The following ZNF365 variants were observed in gnomAD, a reference collection of about 807,000 sequenced individuals.
ZNF365 encodes the protein protein ZNF365.
Under a neutral mutation model 35.0 loss-of-function variants are expected in ZNF365, and 22 were observed. That is an observed-to-expected ratio of 0.63 (90% CI 0.45 to 0.90). The LOEUF is 0.90. Ranked by LOEUF, ZNF365 falls within the 40% of genes least tolerant of loss-of-function variation. The pLI is 0.00. For missense variants in ZNF365, 448 were observed against 500.3 expected (o/e 0.90, Z 1.00); for synonymous variants, 188 against 196.2 (o/e 0.96, Z 0.35).
chr10:62,388,893 A>G (rs1406034600), intron 3 of ZNF365, among the ~76,000 whole-genome samples: 2 of 152,190 alleles, frequency 1.3e-5, no homozygotes, highest in African/African-American at 2.4e-5. Flanking sequence ...CATTCATTTC[A>G]ATTTTGATGT....
In ZNF365 at chr10:62,398,753, C is replaced by T. The variant is rs1839773187; in HGVS notation, c.938C>T (p.Ser313Phe). ...DLSGHVLTDI[S>F]SNRKPKCLSR... ...GTTTTCCTTCAGCTTACAGACATCT[C>T]CTCAAATAGGAAGCCCAAATGCCTG... Residue 313 changes from serine to phenylalanine, a missense_variant, in exon 4 of 5, where the codon TCC becomes TTC. Physicochemically the swap from Ser to Phe is radical, Grantham distance 155. This residue lies in a region of ZNF365 where 362 missense variants were observed against 375.7 expected (regional missense o/e 0.96). Transcript: ENST00000395254. 6.2e-7 allele frequency: 1 copy of T among 1,612,586 alleles called. No homozygotes were observed. The highest frequency in any genetic ancestry group is 1.3e-5 in the African/African-American group (1 of 74,882).
At chr10:62,425,147 A>C (rs1840232394) in intron 3 of ZNF365, among the ~76,000 whole-genome samples, 1 of 152,196 alleles carries the variant, frequency 6.6e-6, no homozygotes, top group Admixed American at 6.5e-5. Context: ...TAACATTTTA[A>C]ATGTTACGTT....
At chr10:62,397,273 CT>C (rs66507720) in intron 3 of ZNF365, among the ~76,000 whole-genome samples, 143,808 of 149,604 alleles carry the variant, frequency 0.96, 69,315 homozygotes, top group East Asian at 1. Context: ...CCTGAGCCTC[CT>C]TTTTTTTTTT....
intron 3 of ZNF365, among the ~76,000 whole-genome samples, chr10:62,418,929 C>G (rs1033747319): frequency 5.3e-5 from 8 of 151,816 alleles, no homozygotes; most frequent in African/African-American, 1.9e-4. Context: ...TCTTTCAGTG[C>G]CAGCTCAGAC....
At position 62,376,786 on chromosome 10, in the gene ZNF365, G is replaced by T; in HGVS notation, c.593G>T (p.Arg198Leu). The T allele has an allele frequency of 6.2e-7, 1 of 1,614,160 alleles. No individual in the cohort carries two copies. The highest frequency in any genetic ancestry group is 8.5e-7 in the Non-Finnish European group (1 of 1,180,034). Residue 198 changes from arginine (R) to leucine (L), a missense_variant, in exon 2 of 5, where the codon CGG (arginine) becomes CTG (leucine). Physicochemically the swap from Arg to Leu is moderately radical, Grantham distance 102. Around this residue, in one of 3 missense-constraint regions of ZNF365, gnomAD observed 362 missense variants for 375.7 expected, o/e 0.96. Transcript: ENST00000395254. ...AQKTAELLEVRAAFVQLTQKK... is the reference protein window; with the variant it reads ...AQKTAELLEVLAAFVQLTQKK... ...AAAACTGCGGAACTGTTGGAAGTTC[G>T]GGCAGCTTTTGTGCAGCTGACTCAG... is the stretch of plus-strand genomic sequence containing the variant.
chr10:62,380,059 T>C (rs985508983), intron 2 of ZNF365, among the ~76,000 whole-genome samples: 1 of 152,346 alleles, frequency 6.6e-6, no homozygotes, highest in Non-Finnish European at 1.5e-5. Flanking sequence ...CTTCAACTTT[T>C]AAAATCCTTT....
intron 3 of ZNF365, among the ~76,000 whole-genome samples, chr10:62,448,320 C>T (rs1840623532): frequency 6.6e-6 from 1 of 152,126 alleles, no homozygotes; most frequent in African/African-American, 2.4e-5. Context: ...GAGTCCCTTT[C>T]CCACCAGGAA....
intron 3 of ZNF365, among the ~76,000 whole-genome samples, chr10:62,422,637 G>A (rs751721924): frequency 2.6e-5 from 4 of 152,096 alleles, no homozygotes; most frequent in Non-Finnish European, 4.4e-5. Context: ...TTTAGAGCGC[G>A]GCCATGCTCT....
In ZNF365 at chr10:62,376,305, A is replaced by G; in HGVS notation, c.112A>G (p.Arg38Gly). ...GAGGTGTGGAGACCATACCAGATTT[A>G]GAAGCTTGTCATCCTTGAGGGCCCA... ...CPRCGDHTRF[R>G]SLSSLRAHLE... Residue 38 changes from arginine (R) to glycine (G), a missense_variant, in exon 2 of 5, where the codon AGA (arginine) becomes GGA (glycine). Coordinates refer to ENST00000395254, the MANE Select transcript of ZNF365 (RefSeq NM_014951.3). The G allele has an allele frequency of 6.2e-7, 1 of 1,614,156 alleles. No individual in the cohort carries two copies. Among genetic ancestry groups the G allele is most frequent in the Non-Finnish European group, 8.5e-7 (1 of 1,180,028 alleles).
intron 4 of ZNF365, among the ~76,000 whole-genome samples, chr10:62,475,670 G>A (rs993366842): frequency 6.6e-6 from 1 of 152,142 alleles, no homozygotes; most frequent in Admixed American, 6.5e-5. Context: ...TCTAGGAAAT[G>A]CCCCACGTTC....
At chr10:62,418,043 T>C (rs531134662) in intron 3 of ZNF365, among the ~76,000 whole-genome samples, 8 of 151,866 alleles carry the variant, frequency 5.3e-5, no homozygotes, top group Admixed American at 3.9e-4. Flanking sequence ...TAATAAACAA[T>C]TTAAATGTAG....
chr10:62,395,895 A>G (rs1028390638), intron 3 of ZNF365, among the ~76,000 whole-genome samples: 2 of 152,186 alleles, frequency 1.3e-5, no homozygotes, highest in African/African-American at 4.8e-5. Flanking sequence ...AAGGCTATTT[A>G]TATTTTTCCA....
chr10:62,465,063 C>T (rs1189648157), intron 4 of ZNF365, among the ~76,000 whole-genome samples: 2 of 152,226 alleles, frequency 1.3e-5, no homozygotes, highest in Admixed American at 1.3e-4. Context: ...ATCCAAGCAT[C>T]CCTTTGCTCT....
chr10:62,473,467 T>C (rs1295610305), intron 4 of ZNF365, among the ~76,000 whole-genome samples: 1 of 152,154 alleles, frequency 6.6e-6, no homozygotes, highest in Non-Finnish European at 1.5e-5. Context: ...GCGCCTAGTA[T>C]CCTGGTTATG....
chr10:62,436,489 A>G (rs1840409689), intron 3 of ZNF365, among the ~76,000 whole-genome samples: 1 of 152,258 alleles, frequency 6.6e-6, no homozygotes, highest in South Asian at 2.1e-4. Flanking sequence ...GATTTGTAAT[A>G]ACACATAAAA....
chr10:62,395,827 G>C (rs1839717263), intron 3 of ZNF365, among the ~76,000 whole-genome samples: 1 of 152,106 alleles, frequency 6.6e-6, no homozygotes, highest in Non-Finnish European at 1.5e-5. Context: ...AGGACTTCTG[G>C]TCCCAAGCAT....
chr10:62,395,063 G>A (rs1233658370), intron 3 of ZNF365, among the ~76,000 whole-genome samples: 1 of 152,164 alleles, frequency 6.6e-6, no homozygotes, highest in African/African-American at 2.4e-5. Context: ...GTGCACTGGG[G>A]CAAGAAGCTG....
At position 62,376,581 on chromosome 10, in the gene ZNF365, A is replaced by C; in HGVS notation, c.388A>C (p.Thr130Pro). The change falls in exon 2 of 5, where the codon ACT becomes CCT. Residue 130 changes from threonine to proline, a missense_variant. Thr to Pro is a conservative substitution (Grantham distance 38). This residue lies in a region of ZNF365 where 362 missense variants were observed against 375.7 expected (regional missense o/e 0.96). Transcript: ENST00000395254. ...ERPVSYVQTY[T>P]AMDLHADSLD... ...GCCTGTGTCCTATGTGCAGACCTAC[A>C]CTGCCATGGACCTCCATGCAGACTC... The C allele has an allele frequency of 1.2e-6, 2 of 1,614,104 alleles. No homozygotes were observed. Among genetic ancestry groups the C allele is most frequent in the Non-Finnish European group, 1.7e-6 (2 of 1,180,038 alleles).
At chr10:62,398,889 G>T in intron 4 of ZNF365, 112 bp downstream of exon 4, 4 of 1,068,126 alleles carry the variant, frequency 3.7e-6, no homozygotes, top group Non-Finnish European at 5.3e-6. Flanking sequence ...TATTATAAAT[G>T]GCTTTGGGAG....
Sources: allele counts gnomAD v4.1 joint callset (sites outside exome capture counted in the v4.1 genomes callset), GRCh38; gene constraint gnomAD v4.1.1; regional missense constraint gnomAD v4.1.1; transcripts MANE v1.5; gene names NCBI Gene and HGNC (gene_info 2026-07-23, HGNC 2026-07-21).